Variants in PTPRT observed in about 807,000 individuals in gnomAD.
PTPRT encodes the protein receptor-type tyrosine-protein phosphatase T.
A neutral mutation model predicts 176.8 loss-of-function variants in PTPRT; 56 were observed. The ratio of observed to expected loss-of-function variants is 0.32; its 90% CI spans 0.26 to 0.40. The LOEUF (loss-of-function observed/expected upper bound fraction) is 0.40, where lower values mean the gene tolerates loss of function less well. Ranked by LOEUF, PTPRT falls within the 10% of genes least tolerant of loss-of-function variation. PTPRT has a pLI of 1.00. For missense variants in PTPRT, 1,540 were observed against 1,908.2 expected (o/e 0.81, Z 3.60); for synonymous variants, 783 against 739.0 (o/e 1.06, Z -0.96).
At chr20:42,749,560 G>T (rs1428882248) in intron 6 of PTPRT, among the ~76,000 whole-genome samples, 1 of 152,206 alleles carries the variant, frequency 6.6e-6, no homozygotes, top group African/African-American at 2.4e-5. Context: ...ATCTTAGAAA[G>T]GTCCAGAACC....
At chr20:42,759,541 AG>A (rs946126264) in intron 5 of PTPRT, among the ~76,000 whole-genome samples, 4 of 152,192 alleles carry the variant, frequency 2.6e-5, no homozygotes, top group African/African-American at 9.7e-5. Context: ...TTAGGATGTC[AG>A]GAAGATGGAG....
rs138305135 is a variant in PTPRT, at chr20:42,709,366, C to T, written c.860-31207G>A. On this transcript the variant is annotated intron_variant, in intron 6 of 30. Transcript: ENST00000373187. ...CCATCACGAATGGCTTGATGGCCTC[C>T]TTGCAGTAATAAGTTCACATAGATC... 5.9e-3 allele frequency among the ~76,000 whole-genome samples: 898 copies of T among 152,282 alleles called. 12 individuals are homozygous for T. The Middle Eastern group carries it at 0.061, about 10-fold the overall frequency.
Position 43,054,680 on chromosome 20 carries a change from C to T in PTPRT, c.88+134966G>A, listed in dbSNP as rs77779571. Among the ~76,000 whole-genome samples the T allele has an allele frequency of 3.9e-3, 599 of 151,778 alleles. 4 individuals are homozygous for T. The highest frequency in any genetic ancestry group is 0.014 in the African/African-American group (581 of 41,382). ...GGAATCCTGAACACACTGATCTTTT[C>T]TTTCTGATCTCTTGTTTGGAGAAGC... On this transcript the variant is annotated intron_variant, in intron 1 of 30. Coordinates refer to ENST00000373187, the MANE Select transcript of PTPRT (RefSeq NM_007050.6).
At chr20:42,227,298 C>G (rs6030065) in intron 15 of PTPRT, among the ~76,000 whole-genome samples, 25 of 152,198 alleles carry the variant, frequency 1.6e-4, no homozygotes, top group African/African-American at 6.0e-4. Flanking sequence ...AAGCCAACCC[C>G]AGGGGAGGCC....
intron 16 of PTPRT, among the ~76,000 whole-genome samples, chr20:42,166,645 G>A (rs1419574455): frequency 3.3e-5 from 5 of 152,186 alleles, no homozygotes; most frequent in Non-Finnish European, 7.3e-5. Flanking sequence ...GGGGCCAGGT[G>A]CGGTGGTTCA....
intron 7 of PTPRT, among the ~76,000 whole-genome samples, chr20:42,631,816 T>C (rs1171982212): frequency 6.6e-6 from 1 of 152,100 alleles, no homozygotes. Flanking sequence ...CCAGTGGACT[T>C]GGGGTACTCA....
intron 16 of PTPRT, among the ~76,000 whole-genome samples, chr20:42,178,598 A>ACAT (rs1990389385): frequency 6.6e-6 from 1 of 152,202 alleles, no homozygotes; most frequent in South Asian, 2.1e-4. Context: ...AAAATAACAA[A>ACAT]CATATACGAT....
intron 16 of PTPRT, among the ~76,000 whole-genome samples, chr20:42,175,706 G>T (rs6093584): frequency 0.34 from 51,270 of 151,908 alleles, 9,098 homozygotes; most frequent in East Asian, 0.39. Flanking sequence ...CTCTTGAGTC[G>T]GCATTAATGA....
intron 7 of PTPRT, among the ~76,000 whole-genome samples, chr20:42,668,858 A>ATTTTTTTTTTTTT (rs755121515): frequency 1.4e-3 from 116 of 81,276 alleles, no homozygotes; most frequent in Non-Finnish European, 2.2e-3. Flanking sequence ...CGCCCAGCTA[A>ATTTTTTTTTTTTT]TTTTTTTTTT....
At chr20:43,033,403 G>A (rs1986229724) in intron 1 of PTPRT, among the ~76,000 whole-genome samples, 1 of 152,070 alleles carries the variant, frequency 6.6e-6, no homozygotes, top group Non-Finnish European at 1.5e-5. Flanking sequence ...GTAGGGGAAT[G>A]GAAACAACCC....
chr20:42,102,464 C>T (rs1319713280), intron 25 of PTPRT, among the ~76,000 whole-genome samples, 167 bp from the exon 26 acceptor site: 1 of 152,220 alleles, frequency 6.6e-6, no homozygotes, highest in Non-Finnish European at 1.5e-5. Flanking sequence ...ATGTTCTGTC[C>T]TCTCCTGCTC....
intron 4 of PTPRT, among the ~76,000 whole-genome samples, chr20:42,775,021 C>G (rs17749217): frequency 2.6e-5 from 4 of 151,990 alleles, no homozygotes; most frequent in Admixed American, 2.6e-4. Flanking sequence ...TTATATTCCA[C>G]GAGCTTCAAA....
chr20:42,668,349 T>G (rs2075352615), intron 7 of PTPRT, among the ~76,000 whole-genome samples: 1 of 152,112 alleles, frequency 6.6e-6, no homozygotes, highest in South Asian at 2.1e-4. Context: ...GCATACAAAA[T>G]AAACACTGCC....
chr20:42,744,542 G>A (rs923413925), intron 6 of PTPRT, among the ~76,000 whole-genome samples: 2 of 152,180 alleles, frequency 1.3e-5, no homozygotes, highest in African/African-American at 4.8e-5. Flanking sequence ...TAAGCCTGTG[G>A]GGGTTTCTAA....
chr20:42,866,433 A>G (rs1346466165), intron 2 of PTPRT, among the ~76,000 whole-genome samples: 1 of 152,064 alleles, frequency 6.6e-6, no homozygotes, highest in Non-Finnish European at 1.5e-5. Flanking sequence ...GAGCTCACCG[A>G]TACCTCCAAC....
chr20:42,756,649 G>A lies in PTPRT; in HGVS notation c.685-13C>T, dbSNP rs779690540. On this transcript the variant is annotated splice_polypyrimidine_tract_variant and intron_variant, in intron 5 of 30. Coordinates refer to ENST00000373187, the MANE Select transcript of PTPRT (RefSeq NM_007050.6). ...TGCCATTCCATTGCTGCAGAACAGA[G>A]GAAGAGAGGGAGAGGAGGAATCATA... 6.4e-7 allele frequency: 1 copy of A among 1,553,094 alleles called. No individual in the cohort carries two copies. The highest frequency in any genetic ancestry group is 1.2e-5 in the South Asian group (1 of 84,238).
chr20:42,704,073 G>C (rs2076014729), intron 6 of PTPRT, among the ~76,000 whole-genome samples: 1 of 152,130 alleles, frequency 6.6e-6, no homozygotes, highest in African/African-American at 2.4e-5. Flanking sequence ...CAAGGTCACT[G>C]TGCAAATCGC....
chr20:42,401,352 C>A (rs537043161), intron 9 of PTPRT, among the ~76,000 whole-genome samples: 2 of 151,842 alleles, frequency 1.3e-5, no homozygotes, highest in African/African-American at 4.8e-5. Flanking sequence ...TAACGTAAAC[C>A]TTGGCAGGGG....
At chr20:42,054,147 T>C in the PTPRT span, among the ~76,000 whole-genome samples, 1 of 152,192 alleles carries the variant, frequency 6.6e-6, no homozygotes, top group Non-Finnish European at 1.5e-5. Context: ...ACATGAATCT[T>C]AGTCCTGATG....
Sources: gnomAD v4.1 joint callset for allele counts (sites outside exome capture counted in the v4.1 genomes callset) on GRCh38, gnomAD v4.1.1 for gene constraint, MANE v1.5 for transcripts, NCBI Gene and HGNC (gene_info 2026-07-23, HGNC 2026-07-21) for gene names.